Variants in ROBO1 observed in about 807,000 individuals in gnomAD.
ROBO1 encodes roundabout guidance receptor 1.
In ROBO1, 149 loss-of-function variants were observed where a neutral mutation model predicts 195.9. The ratio of observed to expected loss-of-function variants is 0.76; its 90% CI spans 0.67 to 0.87. The LOEUF (loss-of-function observed/expected upper bound fraction) is 0.87. Ranked by LOEUF, ROBO1 falls within the 40% of genes least tolerant of loss-of-function variation. The pLI is 0.00. For missense variants in ROBO1, 1,933 were observed against 2,068.3 expected (o/e 0.93, Z 1.27); for synonymous variants, 816 against 733.2 (o/e 1.11, Z -1.82).
intron 2 of ROBO1, among the ~76,000 whole-genome samples, chr3:79,301,955 A>G (rs2032979582): frequency 6.6e-6 from 1 of 152,172 alleles, no homozygotes; most frequent in Non-Finnish European, 1.5e-5. Context: ...TCTTGACTGT[A>G]TGTGTTCTAC....
At chr3:79,573,450 C>T (rs1366509557) in intron 2 of ROBO1, among the ~76,000 whole-genome samples, 1 of 152,090 alleles carries the variant, frequency 6.6e-6, no homozygotes, top group Non-Finnish European at 1.5e-5. Flanking sequence ...ATTAAAGATA[C>T]AGTAGATTAG....
chr3:79,451,161 A>G (rs564016295), intron 2 of ROBO1, among the ~76,000 whole-genome samples: 20 of 152,206 alleles, frequency 1.3e-4, no homozygotes, highest in South Asian at 4.1e-4. Flanking sequence ...TACAGTATCT[A>G]AAGTCAATAT....
intron 2 of ROBO1, among the ~76,000 whole-genome samples, chr3:79,217,400 T>A (rs954360019): frequency 5.3e-5 from 8 of 152,066 alleles, no homozygotes; most frequent in Admixed American, 4.6e-4. Flanking sequence ...TCTTTGACTG[T>A]CATATCTCAA....
At chr3:79,556,068 T>C (rs891829388) in intron 2 of ROBO1, among the ~76,000 whole-genome samples, 1 of 152,170 alleles carries the variant, frequency 6.6e-6, no homozygotes, top group Non-Finnish European at 1.5e-5. Context: ...TTTACTTTTA[T>C]AAAATTACAT....
In ROBO1 at chr3:79,505,202, C is replaced by T. The variant is rs1024882987; in HGVS notation, c.88+84622G>A. On this transcript the variant is annotated intron_variant, in intron 2 of 30. Coordinates refer to ENST00000464233, the MANE Select transcript of ROBO1 (RefSeq NM_002941.4). ...AACAAAGACATTTTAATTTATTAAA[C>T]TTCTTTCTATATATTTTTTTTTTCT... is the stretch of plus-strand genomic sequence containing the variant. 4.2e-5 allele frequency among the ~76,000 whole-genome samples: 6 copies of T among 143,768 alleles called. No individual in the cohort carries two copies. In the Admixed American group the frequency reaches 4.2e-4, roughly 10 times the overall value. The allele number at this position is 143,768 out of a possible 152,430, so 94.3% of individuals were successfully genotyped here. A position where few individuals can be genotyped will look rare whatever the true frequency, so the allele number is the denominator to read the frequency against.
intron 5 of ROBO1, among the ~76,000 whole-genome samples, chr3:78,722,007 T>C (rs1020927220): frequency 8.6e-5 from 13 of 151,958 alleles, no homozygotes; most frequent in Admixed American, 2.0e-4. Flanking sequence ...GAGGAAACAA[T>C]AGCTGAGGTA....
At chr3:79,278,510 G>A (rs1027552824) in intron 2 of ROBO1, among the ~76,000 whole-genome samples, 7 of 152,130 alleles carry the variant, frequency 4.6e-5, no homozygotes, top group South Asian at 4.1e-4. Context: ...CAATGGAACC[G>A]GTTAGAGAAC....
At position 78,598,894 on chromosome 3, in the gene ROBO1, A is replaced by G. The variant is rs765272231; in HGVS notation, c.*19T>C. 1.3e-6 allele frequency: 2 copies of G among 1,547,176 alleles called. No individual in the cohort carries two copies. Among genetic ancestry groups the G allele is most frequent in the South Asian group, 1.2e-5 (1 of 82,510 alleles). ...AGTGATGATTTTCACATTAGATCTC[A>G]TAAGCCTCTTGGTTGTCTTCAGCTT... On this transcript the variant is annotated 3_prime_UTR_variant, in exon 31 of 31. Coordinates refer to ENST00000464233, the MANE Select transcript of ROBO1 (RefSeq NM_002941.4).
At chr3:79,252,348 C>T (rs2082747214) in intron 2 of ROBO1, among the ~76,000 whole-genome samples, 1 of 151,998 alleles carries the variant, frequency 6.6e-6, no homozygotes, top group Non-Finnish European at 1.5e-5. Flanking sequence ...ATCTGGTGTC[C>T]TTCTAAGAAG....
At chr3:78,979,151 G>C (rs2076940994) in intron 3 of ROBO1, among the ~76,000 whole-genome samples, 1 of 152,106 alleles carries the variant, frequency 6.6e-6, no homozygotes, top group African/African-American at 2.4e-5. Flanking sequence ...TGGCTTTCAG[G>C]GTTTGCTAAT....
chr3:78,600,187 C>G lies in ROBO1; in HGVS notation c.4867G>C (p.Gly1623Arg). The G allele has an allele frequency of 6.2e-7, 1 of 1,613,582 alleles. No homozygotes were observed. Among genetic ancestry groups the G allele is most frequent in the Non-Finnish European group, 8.5e-7 (1 of 1,179,658 alleles). Residue 1623 changes from glycine (G) to arginine (R), a missense_variant, in exon 30 of 31, where the codon GGT becomes CGT. Around this residue, in one of 3 missense-constraint regions of ROBO1, gnomAD observed 1,737 missense variants for 1,882.5 expected, o/e 0.92. Transcript: ENST00000464233. ...TGCATTTCTGCAATATTTCTTCGAC[C>G]TACATTTGCTTGTTCTCTTTGTCTG... ...GSRQREQANV[G>R]RRNIAEMQVL...
At chr3:79,573,330 AT>A (rs1045574040) in intron 2 of ROBO1, among the ~76,000 whole-genome samples, 27 of 151,936 alleles carry the variant, frequency 1.8e-4, no homozygotes, top group Admixed American at 2.0e-4. Context: ...GGATGACAAA[AT>A]TTTTTTTCAC....
intron 2 of ROBO1, among the ~76,000 whole-genome samples, chr3:79,159,410 A>C (rs1035978957): frequency 4.6e-5 from 7 of 152,000 alleles, no homozygotes; most frequent in African/African-American, 1.7e-4. Context: ...AATCTTCATT[A>C]AATCTTTATT....
chr3:79,372,524 A>C (rs980169459), intron 2 of ROBO1, among the ~76,000 whole-genome samples: 4 of 151,900 alleles, frequency 2.6e-5, no homozygotes, highest in African/African-American at 9.7e-5. Flanking sequence ...CATTCTTATA[A>C]GGAGAGATGT....
intron 2 of ROBO1, among the ~76,000 whole-genome samples, chr3:79,291,826 C>T (rs1480465358): frequency 6.6e-6 from 1 of 151,972 alleles, no homozygotes; most frequent in East Asian, 1.9e-4. Flanking sequence ...ATAAATGGCC[C>T]CAAGTTTTTT....
At chr3:79,204,004 T>C (rs2081817156) in intron 2 of ROBO1, among the ~76,000 whole-genome samples, 1 of 152,210 alleles carries the variant, frequency 6.6e-6, no homozygotes, top group African/African-American at 2.4e-5. Context: ...AGTGCATGTG[T>C]TTTAATAGGC....
At chr3:79,446,140 TACA>T (rs1383275363) in intron 2 of ROBO1, among the ~76,000 whole-genome samples, 2 of 152,198 alleles carry the variant, frequency 1.3e-5, no homozygotes, top group South Asian at 4.1e-4. Flanking sequence ...TTTCCCCTAT[TACA>T]ACAAGGATAT....
At chr3:79,493,117 C>G (rs1939553885) in intron 2 of ROBO1, among the ~76,000 whole-genome samples, 2 of 151,976 alleles carry the variant, frequency 1.3e-5, no homozygotes, top group African/African-American at 4.8e-5. Context: ...ATCACTCTAA[C>G]ATGAATGTTT....
intron 10 of ROBO1, among the ~76,000 whole-genome samples, chr3:78,676,476 C>T (rs951045063): frequency 1.6e-4 from 24 of 152,182 alleles, no homozygotes; most frequent in East Asian, 3.9e-4. Context: ...AGAGAAGTGC[C>T]TAAAGGAGCT....
Sources: gnomAD v4.1 joint callset for allele counts (sites outside exome capture counted in the v4.1 genomes callset) on GRCh38, gnomAD v4.1.1 for gene constraint, gnomAD v4.1.1 regional missense constraint, MANE v1.5 for transcripts, NCBI Gene and HGNC (gene_info 2026-07-23, HGNC 2026-07-21) for gene names.